The following RAB5A variants were observed in gnomAD, a reference collection of about 807,000 sequenced individuals.
The protein encoded by RAB5A is RAB5A, member RAS oncogene family.
A neutral mutation model predicts 25.7 loss-of-function variants in RAB5A; 8 were observed. That is an observed-to-expected ratio of 0.31 (90% CI 0.18 to 0.56). RAB5A has a LOEUF of 0.56. RAB5A is among the 20% of genes least tolerant of loss of function. The pLI is 0.91. For synonymous variants in RAB5A, 98 were observed against 89.8 expected, an observed-to-expected ratio of 1.09 and a Z score of -0.52; for missense variants, 192 against 259.7, an observed-to-expected ratio of 0.74 and a Z score of 1.79.
intron 2 of RAB5A, among the ~76,000 whole-genome samples, chr3:19,963,957 A>G (rs773599189): frequency 7.9e-5 from 12 of 152,170 alleles, no homozygotes; most frequent in Non-Finnish European, 1.8e-4. Flanking sequence ...AGAACTTTTA[A>G]ATTCATTTAG....
At position 19,983,937 on chromosome 3, in the gene RAB5A, AG is replaced by A; in HGVS notation, c.*115del. ...TTCCAAAAGAAGAGACTTATGATAGAGTCAAGTTTCTAATACAGAATTATTT... is the reference window on the plus strand; with the variant it reads ...TTCCAAAAGAAGAGACTTATGATAGATCAAGTTTCTAATACAGAATTATTT... On this transcript the variant is annotated 3_prime_UTR_variant, in exon 6 of 6. Transcript: ENST00000273047. The A allele has an allele frequency of 1.4e-6, 1 of 713,214 alleles. No homozygotes were observed. Among genetic ancestry groups the A allele is most frequent in the Non-Finnish European group, 2.4e-6 (1 of 423,426 alleles). 44.2% of individuals were successfully genotyped at this position (713,214 alleles called of 1,614,324 possible).
rs879491469 is a variant in RAB5A, at chr3:19,962,568, C to CA, written c.163+11518dup. 3.5e-3 allele frequency among the ~76,000 whole-genome samples: 502 copies of CA among 142,038 alleles called. 3 individuals carry two copies. Among genetic ancestry groups the CA allele is most frequent in the Non-Finnish European group, 5.2e-3 (338 of 64,932 alleles). The allele number at this position is 142,038 out of a possible 152,430, so 93.2% of individuals were successfully genotyped here. A position where few individuals can be genotyped will look rare whatever the true frequency, so the allele number is the denominator to read the frequency against. On this transcript the variant is annotated intron_variant, in intron 2 of 5. Transcript: ENST00000273047. ...TGGGCAACAGAGCGAGAGTCCATCTCAAAAAAAAAAAGTACTGTCTGCCGT... is the reference window on the plus strand; with the variant it reads ...TGGGCAACAGAGCGAGAGTCCATCTCAAAAAAAAAAAAGTACTGTCTGCCGT...
intron 2 of RAB5A, among the ~76,000 whole-genome samples, chr3:19,957,373 A>C (rs555134343): frequency 1.3e-5 from 2 of 152,282 alleles, no homozygotes; most frequent in Admixed American, 1.3e-4. Context: ...CCTCACCATT[A>C]AAAAATAGTA....
intron 5 of RAB5A, among the ~76,000 whole-genome samples, chr3:19,979,255 G>T (rs185350625): frequency 6.6e-6 from 1 of 150,676 alleles, no homozygotes; most frequent in African/African-American, 2.4e-5. Flanking sequence ...GATTACAGGC[G>T]TGAGCCACTA....
chr3:19,953,711 C>A (rs568130731), intron 2 of RAB5A, among the ~76,000 whole-genome samples: 2 of 152,142 alleles, frequency 1.3e-5, no homozygotes, highest in African/African-American at 4.8e-5. Context: ...CCTGGCCCAA[C>A]TTTCTGTTAA....
chr3:19,963,003 G>A (rs1696610408), intron 2 of RAB5A, among the ~76,000 whole-genome samples: 1 of 151,992 alleles, frequency 6.6e-6, no homozygotes, highest in Admixed American at 6.6e-5. Flanking sequence ...GTAGAGAAGG[G>A]TTCTCATGTT....
chr3:19,956,342 T>C (rs1696501761), intron 2 of RAB5A, among the ~76,000 whole-genome samples: 1 of 152,142 alleles, frequency 6.6e-6, no homozygotes, highest in Middle Eastern at 3.4e-3. Context: ...TAACCCCAGC[T>C]ACTCAGGATG....
Position 19,978,240 on chromosome 3 carries a change from A to G in RAB5A, c.439-70A>G, listed in dbSNP as rs551706063. 3,362 of 982,958 alleles carry G rather than the reference A, an allele frequency of 3.4e-3. 11 individuals carry two copies. Among genetic ancestry groups the G allele is most frequent in the Middle Eastern group, 0.017 (73 of 4,284 alleles). 60.9% of individuals were successfully genotyped at this position (982,958 alleles called of 1,614,324 possible). On this transcript the variant is annotated intron_variant, in intron 4 of 5. Transcript: ENST00000273047. ...TAAGAAAGTCTCCTTTTCTATAACA[A>G]GTTTAAAGCAGGTGTAGTGTATTTC... is the stretch of plus-strand genomic sequence containing the variant.
intron 5 of RAB5A, among the ~76,000 whole-genome samples, chr3:19,982,763 T>TAAA (rs62910362): frequency 2.1e-5 from 3 of 139,832 alleles, no homozygotes; most frequent in Non-Finnish European, 3.1e-5. Context: ...CCTTGTCTCT[T>TAAA]AAAAAAAAAA....
chr3:19,974,388 C>T (rs1234814353), intron 2 of RAB5A, among the ~76,000 whole-genome samples: 3 of 151,898 alleles, frequency 2.0e-5, no homozygotes, highest in African/African-American at 4.8e-5. Flanking sequence ...CTCCTGACCT[C>T]GTGATTTGCC....
At chr3:19,952,786 T>TTTG (rs778331684) in intron 2 of RAB5A, among the ~76,000 whole-genome samples, 15 of 152,190 alleles carry the variant, frequency 9.9e-5, no homozygotes, top group Admixed American at 5.9e-4. Flanking sequence ...CACGTGTGAT[T>TTTG]TTGTTGTTGT....
In RAB5A at chr3:19,976,063, CA is replaced by C; in HGVS notation, c.338del (p.Asn113IlefsTer15). On this transcript the variant is annotated frameshift_variant, in exon 4 of 6. Coordinates refer to ENST00000273047, the MANE Select transcript of RAB5A (RefSeq NM_004162.5). LOFTEE classifies it high-confidence loss of function. Reference protein sequence around the residue: ...DITNEESFARAKNWVKELQRQ... With the variant: ...DITNEESFARXKNWVKELQRQ... ...GTTTAACAGGAGTCCTTTGCAAGAG[CA>C]AAAAATTGGGTTAAAGAACTTCAGA... The C allele has an allele frequency of 6.2e-7, 1 of 1,611,040 alleles. No individual in the cohort carries two copies. Among genetic ancestry groups the C allele is most frequent in the South Asian group, 1.1e-5 (1 of 90,190 alleles).
chr3:19,972,964 A>G (rs1696771889), intron 2 of RAB5A, among the ~76,000 whole-genome samples: 1 of 152,304 alleles, frequency 6.6e-6, no homozygotes, highest in South Asian at 2.1e-4. Context: ...ATTAAGGGGG[A>G]AAAAATTAAC....
intron 2 of RAB5A, among the ~76,000 whole-genome samples, chr3:19,953,371 T>A (rs1005757405): frequency 1.3e-5 from 2 of 151,148 alleles, no homozygotes; most frequent in African/African-American, 4.9e-5. Context: ...GCTTCCTGTT[T>A]AAAAACAAAA....
At chr3:19,966,049 G>A (rs141026289) in intron 2 of RAB5A, among the ~76,000 whole-genome samples, 12 of 152,128 alleles carry the variant, frequency 7.9e-5, no homozygotes, top group Non-Finnish European at 1.3e-4. Flanking sequence ...TTAAAATTGC[G>A]GTAAAATATC....
intron 2 of RAB5A, among the ~76,000 whole-genome samples, chr3:19,968,164 CT>C (rs1247989660): frequency 2.0e-5 from 3 of 152,130 alleles, no homozygotes; most frequent in Non-Finnish European, 2.9e-5. Flanking sequence ...CCTTTCTCCC[CT>C]CTCTAGTCAC....
At chr3:19,954,844 G>A (rs1696476392) in intron 2 of RAB5A, among the ~76,000 whole-genome samples, 1 of 151,996 alleles carries the variant, frequency 6.6e-6, no homozygotes, top group Admixed American at 6.6e-5. Flanking sequence ...AAGAATCCCT[G>A]TTGCCTCACC....
intron 2 of RAB5A, among the ~76,000 whole-genome samples, chr3:19,967,871 C>T (rs1696683268): frequency 6.6e-6 from 1 of 152,158 alleles, no homozygotes; most frequent in Admixed American, 6.5e-5. Flanking sequence ...TGGGTGCTTC[C>T]TGTATACACA....
At chr3:19,948,183 G>A (rs1271124085) in intron 1 of RAB5A, among the ~76,000 whole-genome samples, 1 of 152,160 alleles carries the variant, frequency 6.6e-6, no homozygotes, top group Admixed American at 6.5e-5. Context: ...TTGCTCTGGC[G>A]TTATCTTCCC....
Sources: gnomAD v4.1 joint callset for allele counts (sites outside exome capture counted in the v4.1 genomes callset) on GRCh38, gnomAD v4.1.1 for gene constraint, MANE v1.5 for transcripts, NCBI Gene and HGNC (gene_info 2026-07-23, HGNC 2026-07-21) for gene names.